SCUBE1: variants seen among roughly 807,000 people sequenced by gnomAD.
The protein encoded by SCUBE1 is signal peptide, CUB and EGF-like domain-containing protein 1.
A neutral mutation model predicts 124.4 loss-of-function variants in SCUBE1; 59 were observed. The observed-to-expected ratio is 0.47, with a 90% CI of 0.38 to 0.59. The LOEUF (loss-of-function observed/expected upper bound fraction) is 0.59. Among genes scored for constraint, SCUBE1 ranks in the 20% least tolerant of loss-of-function variants. The probability of loss-of-function intolerance (pLI) is 0.00; values close to 1 mark genes in which losing one functional copy is unlikely to be tolerated. For missense variants in SCUBE1, 1,150 were observed against 1,371.2 expected, an observed-to-expected ratio of 0.84 and a Z score of 2.55; for synonymous variants, 545 against 550.9, an observed-to-expected ratio of 0.99 and a Z score of 0.15.
chr22:43,221,209 C>T lies in SCUBE1; in HGVS notation c.1513G>A (p.Ala505Thr). ...AKCHLRPHSQ[A>T]RAKETARQPL... ...TGCCTGGCGGTCTCCTTTGCTCGTGCCTGGCTGTGGGGCCGGAGGTGGCAC... is the reference window on the plus strand; with the variant it reads ...TGCCTGGCGGTCTCCTTTGCTCGTGTCTGGCTGTGGGGCCGGAGGTGGCAC... Residue 505 changes from alanine (A) to threonine (T), a missense_variant, in exon 13 of 22, where the codon GCA becomes ACA. This residue lies in a region of SCUBE1 where 757 missense variants were observed against 840.9 expected (regional missense o/e 0.90). Coordinates refer to ENST00000360835, the MANE Select transcript of SCUBE1 (RefSeq NM_173050.5). The T allele has an allele frequency of 1.2e-6, 2 of 1,611,460 alleles. No homozygotes were observed. The highest frequency in any genetic ancestry group is 1.7e-4 in the Middle Eastern group (1 of 6,052).
intron 2 of SCUBE1, among the ~76,000 whole-genome samples, chr22:43,325,157 G>T (rs1324722359): frequency 1.3e-5 from 2 of 151,950 alleles, no homozygotes; most frequent in East Asian, 3.9e-4. Flanking sequence ...AGAAGAGGCT[G>T]AGGCTCAGGA....
chr22:43,239,098 C>G (rs1922893542), intron 6 of SCUBE1, 144 bp from the exon 7 acceptor site: 1 of 642,314 alleles, frequency 1.6e-6, no homozygotes, highest in African/African-American at 1.8e-5. Flanking sequence ...CTGTGGGACT[C>G]TAGGGAAGCT....
Position 43,268,115 on chromosome 22 carries a change from A to G in SCUBE1, c.485-5270T>C, listed in dbSNP as rs147616655. On this transcript the variant is annotated intron_variant, in intron 4 of 21. Transcript: ENST00000360835. ...CCAGTGGCAGCTGCAGGCTGTGTCC[A>G]CCGATGCCAGCCTGTGAGCTCTTCC... Among the ~76,000 whole-genome samples the G allele has an allele frequency of 7.6e-3, 1,159 of 152,252 alleles. 12 individuals carry two copies. Among genetic ancestry groups the G allele is most frequent in the Non-Finnish European group, 0.013 (913 of 67,980 alleles).
Position 43,255,417 on chromosome 22 carries a change from A to G in SCUBE1, c.727+2802T>C. 1.5e-6 allele frequency: 2 copies of G among 1,347,188 alleles called. No individual in the cohort carries two copies. The highest frequency in any genetic ancestry group is 2.0e-5 in the Admixed American group (1 of 50,702). The allele number at this position is 1,347,188 out of a possible 1,614,324, so 83.5% of individuals were successfully genotyped here. A position where few individuals can be genotyped will look rare whatever the true frequency, so the allele number is the denominator to read the frequency against. On this transcript the variant is annotated intron_variant, in intron 6 of 21. Coordinates refer to ENST00000360835, the MANE Select transcript of SCUBE1 (RefSeq NM_173050.5). The surrounding 1 kb of genome is among the most constrained non-coding windows in gnomAD (Gnocchi z 4.7). ...CGCCCATGTCCACATGCCAGTGCGCACCCGAGACACACATGTGCACACACA... is the reference window on the plus strand; with the variant it reads ...CGCCCATGTCCACATGCCAGTGCGCGCCCGAGACACACATGTGCACACACA...
chr22:43,212,362 C>G, intron 17 of SCUBE1, 63 bp downstream of exon 17: 1 of 1,501,750 alleles, frequency 6.7e-7, no homozygotes, highest in Admixed American at 2.1e-5. Context: ...TCGGGGAAGC[C>G]TCTCGGAGCA....
rs1426460728 is a variant in SCUBE1 at position 43,200,383 on chromosome 22, C to T, written c.*3614G>A. On this transcript the variant is annotated 3_prime_UTR_variant, in exon 22 of 22. Coordinates refer to ENST00000360835, the MANE Select transcript of SCUBE1 (RefSeq NM_173050.5). ...TCCTGGACTCTCTGCCCCCAGCTTCCATTTTTTCTTGGGCCTCGTTACGTG... is the reference window on the plus strand; with the variant it reads ...TCCTGGACTCTCTGCCCCCAGCTTCTATTTTTTCTTGGGCCTCGTTACGTG... The T allele has an allele frequency of 6.6e-6, 1 of 152,364 alleles. No individual in the cohort carries two copies. The highest frequency in any genetic ancestry group is 2.4e-5 in the African/African-American group (1 of 41,474). The allele number at this position is 152,364 out of a possible 1,614,324, so 9.4% of individuals were successfully genotyped here. A position where few individuals can be genotyped will look rare whatever the true frequency, so the allele number is the denominator to read the frequency against.
intron 2 of SCUBE1, among the ~76,000 whole-genome samples, chr22:43,332,523 G>A (rs1030889693): frequency 2.5e-4 from 38 of 152,278 alleles, no homozygotes; most frequent in African/African-American, 8.2e-4. Flanking sequence ...CCCATGGGCT[G>A]ATGGGGGCCT....
rs1923728234 is a variant in SCUBE1 at position 43,258,047 on chromosome 22, C to G, written c.727+172G>C. On this transcript the variant is annotated intron_variant, in intron 6 of 21. Transcript: ENST00000360835. This position sits in a 1 kb window ranked among gnomAD's most constrained non-coding sequence, Gnocchi z 5.0. ...CCAGAGAAGCCTCCCCAGAAAGCCT[C>G]CCCAGGGGCGCCGGCCATCCCCGCC... is the stretch of plus-strand genomic sequence containing the variant. Among the ~76,000 whole-genome samples the G allele has an allele frequency of 6.6e-6, 1 of 152,204 alleles. No homozygotes were observed. Among genetic ancestry groups the G allele is most frequent in the Admixed American group, 6.5e-5 (1 of 15,292 alleles).
At chr22:43,320,908 G>A (rs777496996) in intron 2 of SCUBE1, among the ~76,000 whole-genome samples, 3 of 152,224 alleles carry the variant, frequency 2.0e-5, no homozygotes, top group East Asian at 1.9e-4. Context: ...GTCACACCTG[G>A]CGTCCTTGGG....
Position 43,198,273 on chromosome 22 carries a change from C to T in SCUBE1, c.*5724G>A. The stretch of plus-strand genomic sequence containing the variant: ...GGGGGGTGCAGACAATTCCAGGGGG[C>T]TCACTCAGGGGCTCTGAGTGGCATG... On this transcript the variant is annotated 3_prime_UTR_variant, in exon 22 of 22. Transcript: ENST00000360835. The T allele has an allele frequency of 3.3e-6, 1 of 303,636 alleles. No homozygotes were observed. Among genetic ancestry groups the T allele is most frequent in the Non-Finnish European group, 6.6e-6 (1 of 152,248 alleles). The allele number at this position is 303,636 out of a possible 1,614,324, so 18.8% of individuals were successfully genotyped here. A position where few individuals can be genotyped will look rare whatever the true frequency, so the allele number is the denominator to read the frequency against.
chr22:43,268,911 C>T (rs574368121), intron 4 of SCUBE1, among the ~76,000 whole-genome samples: 1 of 152,192 alleles, frequency 6.6e-6, no homozygotes, highest in Non-Finnish European at 1.5e-5. Flanking sequence ...GAGGCTGTTG[C>T]TATCACTCTG....
chr22:43,311,240 T>C (rs989968361), intron 3 of SCUBE1, among the ~76,000 whole-genome samples: 3 of 152,178 alleles, frequency 2.0e-5, no homozygotes, highest in Non-Finnish European at 4.4e-5. Context: ...CATGTTCACA[T>C]GTTCACTGTC....
At chr22:43,289,351 C>T (rs988512759) in intron 4 of SCUBE1, among the ~76,000 whole-genome samples, 1 of 152,230 alleles carries the variant, frequency 6.6e-6, no homozygotes, top group South Asian at 2.1e-4. Context: ...GGAGGTCTTA[C>T]AAGGCGCAAA....
At chr22:43,218,854 C>A (rs5996294) in intron 14 of SCUBE1, among the ~76,000 whole-genome samples, 303 of 152,354 alleles carry the variant, frequency 2.0e-3, no homozygotes, top group African/African-American at 6.9e-3. Flanking sequence ...CCCGTATGGC[C>A]TTGCCAGCCT....
chr22:43,288,016 T>G lies in SCUBE1; in HGVS notation c.484+3030A>C, dbSNP rs560681476. 8.5e-5 allele frequency among the ~76,000 whole-genome samples: 13 copies of G among 152,336 alleles called. No individual in the cohort carries two copies. In the East Asian group the frequency reaches 9.6e-4, roughly 11 times the overall value. On this transcript the variant is annotated intron_variant, in intron 4 of 21. Coordinates refer to ENST00000360835, the MANE Select transcript of SCUBE1 (RefSeq NM_173050.5). ...CTTCCACACAGCCGTGGAAACCCACTGGAATGCTGCACCTTGTCGTTCGAG... is the reference window on the plus strand; with the variant it reads ...CTTCCACACAGCCGTGGAAACCCACGGGAATGCTGCACCTTGTCGTTCGAG...
chr22:43,305,996 A>AGGCCT (rs1181067218), intron 3 of SCUBE1, among the ~76,000 whole-genome samples: 1 of 152,222 alleles, frequency 6.6e-6, no homozygotes, highest in Non-Finnish European at 1.5e-5. Flanking sequence ...CCTGATGCAC[A>AGGCCT]GGCCTGGCTA....
intron 2 of SCUBE1, among the ~76,000 whole-genome samples, chr22:43,337,414 G>A (rs377585924): frequency 2.6e-5 from 4 of 152,160 alleles, no homozygotes; most frequent in Non-Finnish European, 5.9e-5. Flanking sequence ...CCGCCTTTCC[G>A]GGACACTGGG....
At chr22:43,288,679 G>A (rs111703980) in intron 4 of SCUBE1, among the ~76,000 whole-genome samples, 3,025 of 152,240 alleles carry the variant, frequency 0.02, 110 homozygotes, top group African/African-American at 0.071. Context: ...CTCTCACACC[G>A]CATCACCTCC....
In SCUBE1 at chr22:43,204,035, G is replaced by A. The variant is rs757342696; in HGVS notation, c.2929C>T (p.Arg977Cys). The change falls in exon 22 of 22, where the codon CGC (arginine) becomes TGC (cysteine). Residue 977 changes from arginine (R) to cysteine (C), a missense_variant. Around this residue, in one of 3 missense-constraint regions of SCUBE1, gnomAD observed 757 missense variants for 840.9 expected, o/e 0.90. Coordinates refer to ENST00000360835, the MANE Select transcript of SCUBE1 (RefSeq NM_173050.5). ...MFPRSFIKLL[R>C]SKVSRFLRPY... is the part of the protein sequence containing the mutation. ...CGCAGGAACCGAGACACTTTGGAGC[G>A]CAGCAGTTTGATGAAGGACCGTGGG... 17 of 1,614,134 alleles carry A rather than the reference G, an allele frequency of 1.1e-5. No homozygotes were observed. The highest frequency in any genetic ancestry group is 4.4e-5 in the South Asian group (4 of 91,086).
Sources: gnomAD v4.1 joint callset for allele counts (sites outside exome capture counted in the v4.1 genomes callset) on GRCh38, gnomAD v4.1.1 for gene constraint, gnomAD v4.1.1 regional missense constraint, Gnocchi (gnomAD v3.1) non-coding constraint, MANE v1.5 for transcripts, NCBI Gene and HGNC (gene_info 2026-07-23, HGNC 2026-07-21) for gene names.